The following CFAP57 variants were observed in gnomAD, a reference collection of about 807,000 sequenced individuals.
CFAP57 encodes the protein cilia and flagella associated protein 57.
Under a neutral mutation model 146.8 loss-of-function variants are expected in CFAP57, and 116 were observed. The observed-to-expected ratio is 0.79, with a 90% CI of 0.68 to 0.92. The LOEUF is 0.92. Among genes scored for constraint, CFAP57 ranks in the 40% least tolerant of loss-of-function variants. The probability of loss-of-function intolerance (pLI) is 0.00; values close to 1 mark genes in which losing one functional copy is unlikely to be tolerated. For missense variants in CFAP57, 1,377 were observed against 1,527.2 expected, an observed-to-expected ratio of 0.90 and a Z score of 1.64; for synonymous variants, 518 against 552.8, an observed-to-expected ratio of 0.94 and a Z score of 0.88.
intron 22 of CFAP57, among the ~76,000 whole-genome samples, chr1:43,246,082 G>A (rs972107136): frequency 9.9e-5 from 15 of 152,176 alleles, no homozygotes; most frequent in African/African-American, 2.2e-4. Context: ...AAGACTTGTC[G>A]TTAAGATGTC....
At chr1:43,218,575 T>C (rs1273646820) in intron 12 of CFAP57, among the ~76,000 whole-genome samples, 3 of 149,964 alleles carry the variant, frequency 2.0e-5, no homozygotes, top group Non-Finnish European at 4.4e-5. Flanking sequence ...ACCACCGCAC[T>C]CCAGCCTGGG....
intron 9 of CFAP57, 49 bp downstream of exon 9, chr1:43,199,552 A>G (rs947697051): frequency 6.5e-7 from 1 of 1,546,516 alleles, no homozygotes; most frequent in South Asian, 1.1e-5. Flanking sequence ...GGAGCCAAGT[A>G]TGCCGCCAGC....
Position 43,254,170 on chromosome 1 carries a change from C to T in CFAP57, c.3732C>T (p.Asp1244=), listed in dbSNP as rs1265313618. The change falls in exon 23 of 23, where the codon GAC becomes GAT. Residue 1244 remains aspartate, a synonymous_variant. Coordinates refer to ENST00000372492, the MANE Select transcript of CFAP57 (RefSeq NM_001378189.1). ...CTTCCCTCTCCAACTCCGAGGTAGA[C>T]TTAGAGGTGAAGACCAACTGACCCC... ...RLPSLSNSEV[D]LEVKTN The T allele has an allele frequency of 1.7e-5, 26 of 1,549,646 alleles. No individual in the cohort carries two copies. Among genetic ancestry groups the T allele is most frequent in the African/African-American group, 2.7e-5 (2 of 72,974 alleles).
chr1:43,194,705 C>T (rs953070932), intron 6 of CFAP57: 2 of 152,114 alleles, frequency 1.3e-5, no homozygotes, highest in African/African-American at 2.4e-5. Flanking sequence ...ATTCTTCTGC[C>T]AGTTCAGATC....
At position 43,224,176 on chromosome 1, in the gene CFAP57, A is replaced by G. The variant is rs1356607987; in HGVS notation, c.2837A>G (p.Gln946Arg). The G allele has an allele frequency of 5.2e-6, 8 of 1,548,352 alleles. No individual in the cohort carries two copies. The African/African-American group carries it at 6.9e-5, about 13-fold the overall frequency. ...ATCCAAGGCCTCAAGCGAGAGATCC[A>G]GGAAAGAGACGAGACTATTCAAGAC... ...KDIQGLKREI[Q>R]ERDETIQDKE... is the part of the protein sequence containing the mutation. The change falls in exon 17 of 23, where the codon CAG becomes CGG. Residue 946 changes from glutamine (Q) to arginine (R), a missense_variant. Coordinates refer to ENST00000372492, the MANE Select transcript of CFAP57 (RefSeq NM_001378189.1).
rs1158027386 is a variant in CFAP57 at position 43,197,808 on chromosome 1, A to G, written c.1262+116A>G. On this transcript the variant is annotated intron_variant, in intron 7 of 22. Transcript: ENST00000372492. ...ATTATTTAGAAGCTTTCAGTTGGAA[A>G]AGATTTTTAAAAAATCAAGTCAGTC... 4 of 1,432,300 alleles carry G rather than the reference A, an allele frequency of 2.8e-6. No homozygotes were observed. In the African/African-American group the frequency reaches 4.2e-5, roughly 15 times the overall value. 88.7% of individuals were successfully genotyped at this position (1,432,300 alleles called of 1,614,324 possible). A position where few individuals can be genotyped will look rare whatever the true frequency, so the allele number is the denominator to read the frequency against.
intron 6 of CFAP57, among the ~76,000 whole-genome samples, chr1:43,196,986 AG>A (rs1172287501): frequency 6.6e-6 from 1 of 152,254 alleles, no homozygotes; most frequent in Non-Finnish European, 1.5e-5. Context: ...CCTACAGCAG[AG>A]GAAGGGTTAA....
intron 9 of CFAP57, among the ~76,000 whole-genome samples, chr1:43,200,329 TA>T (rs1233049131): frequency 6.6e-6 from 1 of 151,218 alleles, no homozygotes; most frequent in African/African-American, 2.4e-5. Flanking sequence ...CTACAAAAAG[TA>T]AAAAATATTA....
chr1:43,199,001 G>A (rs1274255480), intron 8 of CFAP57, among the ~76,000 whole-genome samples: 1 of 152,198 alleles, frequency 6.6e-6, no homozygotes, highest in Non-Finnish European at 1.5e-5. Flanking sequence ...AGACGGAGGA[G>A]CCAGGGAAAA....
intron 22 of CFAP57, among the ~76,000 whole-genome samples, chr1:43,252,028 C>T (rs1250531528): frequency 1.3e-5 from 2 of 152,118 alleles, no homozygotes; most frequent in Non-Finnish European, 2.9e-5. Flanking sequence ...AGTTATTTGA[C>T]TATGAGCATA....
At chr1:43,251,880 A>G (rs901716952) in intron 22 of CFAP57, among the ~76,000 whole-genome samples, 1 of 152,228 alleles carries the variant, frequency 6.6e-6, no homozygotes, top group African/African-American at 2.4e-5. Context: ...GAGGCAACGT[A>G]AGTACATTAA....
At position 43,246,704 on chromosome 1, in the gene CFAP57, G is replaced by A. The variant is rs1646126535; in HGVS notation, c.3538+3345G>A. 2.6e-5 allele frequency among the ~76,000 whole-genome samples: 4 copies of A among 152,352 alleles called. No individual in the cohort carries two copies. The South Asian group carries it at 8.3e-4, about 32-fold the overall frequency. On this transcript the variant is annotated intron_variant, in intron 22 of 22. Transcript: ENST00000372492. ...GTTTGTGAGATTTGCAGCAATGTAA[G>A]CAATGCAGGCATGTATGTGAGATTT...
At chr1:43,236,207 A>G (rs1341409984) in intron 21 of CFAP57, among the ~76,000 whole-genome samples, 1 of 151,804 alleles carries the variant, frequency 6.6e-6, no homozygotes, top group Non-Finnish European at 1.5e-5. Context: ...CTGTGGATCC[A>G]AATAAGTAAC....
In CFAP57 at chr1:43,172,822, C is replaced by G; in HGVS notation, c.69C>G (p.Phe23Leu). The change falls in exon 2 of 23, where the codon TTC becomes TTG. Residue 23 changes from phenylalanine (F) to leucine (L), a missense_variant. Coordinates refer to ENST00000372492, the MANE Select transcript of CFAP57 (RefSeq NM_001378189.1). ...GATCCCACGTGGCCAACAATATCTTCTACTTCGATGAACAGATCATTATAT... is the reference window on the plus strand; with the variant it reads ...GATCCCACGTGGCCAACAATATCTTGTACTTCGATGAACAGATCATTATAT... ...GLRSHVANNI[F>L]YFDEQIIIFP... is the part of the protein sequence containing the mutation. 1 of 1,614,140 alleles carries G rather than the reference C, an allele frequency of 6.2e-7. No homozygotes were observed. The highest frequency in any genetic ancestry group is 8.5e-7 in the Non-Finnish European group (1 of 1,179,984).
At position 43,201,687 on chromosome 1, in the gene CFAP57, C is replaced by T. The variant is rs1644129439; in HGVS notation, c.1542+2184C>T. Among the ~76,000 whole-genome samples, 2 of 152,230 alleles carry T rather than the reference C, an allele frequency of 1.3e-5. No homozygotes were observed. The highest frequency in any genetic ancestry group is 4.8e-5 in the African/African-American group (2 of 41,460). Reference sequence around the variant, plus strand: ...CTGGAGTGCAATGGCACAATCTCAGCTCACCGCAACCTCCGCCTCCCAGGT... The same window carrying T: ...CTGGAGTGCAATGGCACAATCTCAGTTCACCGCAACCTCCGCCTCCCAGGT... On this transcript the variant is annotated intron_variant, in intron 9 of 22. Transcript: ENST00000372492. This position sits in a 1 kb window ranked among gnomAD's most constrained non-coding sequence, Gnocchi z 4.4.
rs1222089342 is a variant in CFAP57 at position 43,176,976 on chromosome 1, G to T, written c.157+4066G>T. On this transcript the variant is annotated intron_variant, in intron 2 of 22. Transcript: ENST00000372492. ...GTGTGGCTGGAGTGGTAAGAACCGGGGGGTGAGGAGCAAGAGGGGAGGCAA... is the reference window on the plus strand; with the variant it reads ...GTGTGGCTGGAGTGGTAAGAACCGGTGGGTGAGGAGCAAGAGGGGAGGCAA... 8.0e-6 allele frequency: 3 copies of T among 373,768 alleles called. No individual in the cohort carries two copies. The Admixed American group carries it at 9.8e-5, about 12-fold the overall frequency. 23.2% of individuals were successfully genotyped at this position (373,768 alleles called of 1,614,324 possible).
chr1:43,219,621 A>T, intron 13 of CFAP57, 84 bp downstream of exon 13: 2 of 1,441,324 alleles, frequency 1.4e-6, no homozygotes, highest in Non-Finnish European at 1.9e-6. Context: ...TGCCCAAGCT[A>T]TGCTCAAACA....
At chr1:43,180,221 T>TTA (rs1491391576) in intron 2 of CFAP57, among the ~76,000 whole-genome samples, 1 of 125,592 alleles carries the variant, frequency 8.0e-6, no homozygotes, top group African/African-American at 3.9e-5. Context: ...AATATATATA[T>TTA]TTTATATATA....
intron 6 of CFAP57, among the ~76,000 whole-genome samples, chr1:43,192,057 TTTGTTA>T (rs142623157): frequency 0.05 from 7,447 of 150,210 alleles, 605 homozygotes; most frequent in African/African-American, 0.17. Flanking sequence ...TTTCTTTCTG[TTTGTTA>T]TTAATTATTA....
Sources: gnomAD v4.1 joint callset for allele counts (sites outside exome capture counted in the v4.1 genomes callset) on GRCh38, gnomAD v4.1.1 for gene constraint, Gnocchi (gnomAD v3.1) non-coding constraint, MANE v1.5 for transcripts, NCBI Gene and HGNC (gene_info 2026-07-23, HGNC 2026-07-21) for gene names.